Variants in SLC7A4 observed in about 807,000 individuals in gnomAD.
The protein encoded by SLC7A4 is cationic amino acid transporter 4.
Under a neutral mutation model 37.8 loss-of-function variants are expected in SLC7A4, and 30 were observed. The observed-to-expected ratio is 0.79, with a 90% CI of 0.59 to 1.08. The LOEUF (loss-of-function observed/expected upper bound fraction) is 1.08. Ranked by LOEUF, SLC7A4 falls within the 50% of genes least tolerant of loss-of-function variation. The pLI, the probability that SLC7A4 is intolerant of heterozygous loss-of-function variation, is 0.00. For missense variants in SLC7A4, 839 were observed against 843.2 expected, an observed-to-expected ratio of 1.00 and a Z score of 0.06; for synonymous variants, 359 against 376.5, an observed-to-expected ratio of 0.95 and a Z score of 0.54.
chr22:21,032,370 T>C, intron 1 of SLC7A4, among the ~76,000 whole-genome samples, 161 bp downstream of exon 1: 1 of 152,122 alleles, frequency 6.6e-6, no homozygotes. Flanking sequence ...CCAGGCGGAA[T>C]GCAGGGGCGC....
rs914033756 is a variant in SLC7A4 at position 21,030,864 on chromosome 22, C to G, written c.949G>C (p.Ala317Pro). The G allele has an allele frequency of 1.9e-6, 3 of 1,603,988 alleles. No individual in the cohort carries two copies. The highest frequency in any genetic ancestry group is 2.6e-6 in the Non-Finnish European group (3 of 1,175,158). The change falls in exon 2 of 5, where the codon GCT (alanine) becomes CCT (proline). Residue 317 changes from alanine to proline, a missense_variant. Ala to Pro is a conservative substitution (Grantham distance 27). Transcript: ENST00000382932. The stretch of plus-strand genomic sequence containing the variant: ...GAGCCAGCTGCCACGATGAAGCCAG[C>G]CCACCTGTAGCCCCGCTGGTAGAAG... ...DAFYQRGYRW[A>P]GFIVAAGSIC...
At position 21,031,745 on chromosome 22, in the gene SLC7A4, G is replaced by A. The variant is rs549300839; in HGVS notation, c.68C>T (p.Pro23Leu). 59 of 1,588,328 alleles carry A rather than the reference G, an allele frequency of 3.7e-5. No individual in the cohort carries two copies. The South Asian group carries it at 5.9e-4, about 16-fold the overall frequency. Reference protein sequence around the residue: ...RLCQKLNRLKPLEDSTMETSL... With the variant: ...RLCQKLNRLKLLEDSTMETSL... ...CGTCTCCATGGTGGAGTCCTCCAGCGGCTTCAGGCGGTTCAGCTTCTGGCA... is the reference window on the plus strand; with the variant it reads ...CGTCTCCATGGTGGAGTCCTCCAGCAGCTTCAGGCGGTTCAGCTTCTGGCA... Residue 23 changes from proline (P) to leucine (L), a missense_variant, in exon 2 of 5, where the codon CCG (proline) becomes CTG (leucine). Coordinates refer to ENST00000382932, the MANE Select transcript of SLC7A4 (RefSeq NM_004173.3).
At position 21,029,117 on chromosome 22, in the gene SLC7A4, T is replaced by C. The variant is rs369922490; in HGVS notation, c.1846A>G (p.Thr616Ala). 4.5e-5 allele frequency: 72 copies of C among 1,613,342 alleles called. No homozygotes were observed. Among genetic ancestry groups the C allele is most frequent in the Non-Finnish European group, 6.0e-5 (71 of 1,179,918 alleles). The change falls in exon 5 of 5, where the codon ACA becomes GCA. Residue 616 changes from threonine (T) to alanine (A), a missense_variant. Physicochemically the swap from Thr to Ala is moderately conservative, Grantham distance 58. Transcript: ENST00000382932. ...VVFPRGSLEE[T>A]VQAMQPPSQA... ...CTGGGGGGCTGCATAGCCTGCACTG[T>C]CTCCTCCAGGCTGCCCCTGGGGAAT...
At position 21,031,861 on chromosome 22, in the gene SLC7A4, G is replaced by A. The variant is rs755626314; in HGVS notation, c.-40-9C>T. On this transcript the variant is annotated splice_polypyrimidine_tract_variant and intron_variant, in intron 1 of 4. Transcript: ENST00000382932. Reference sequence around the variant, plus strand: ...GAGCCAGCTACTGGAACCTGCTAGGGCCAGAGGGGAATGACAGGATGCGTA... The same window carrying A: ...GAGCCAGCTACTGGAACCTGCTAGGACCAGAGGGGAATGACAGGATGCGTA... 5 of 1,449,972 alleles carry A rather than the reference G, an allele frequency of 3.4e-6. No individual in the cohort carries two copies. The highest frequency in any genetic ancestry group is 5.1e-5 in the Admixed American group (2 of 39,542). The allele number at this position is 1,449,972 out of a possible 1,614,324, so 89.8% of individuals were successfully genotyped here. A position where few individuals can be genotyped will look rare whatever the true frequency, so the allele number is the denominator to read the frequency against.
chr22:21,028,836 A>C lies in SLC7A4; in HGVS notation c.*219T>G, dbSNP rs1928771976. The C allele has an allele frequency of 2.1e-6, 1 of 472,750 alleles. No homozygotes were observed. The highest frequency in any genetic ancestry group is 3.7e-6 in the Non-Finnish European group (1 of 269,376). 29.3% of individuals were successfully genotyped at this position (472,750 alleles called of 1,614,324 possible). The stretch of plus-strand genomic sequence containing the variant: ...TAGCTGGAGCTGATCATAAACAAGA[A>C]GGCTCTGGGCAGAGTCCATGGCACC... On this transcript the variant is annotated 3_prime_UTR_variant, in exon 5 of 5. Transcript: ENST00000382932.
rs150879160 is a variant in SLC7A4, at chr22:21,030,511, G to A, written c.983-160C>T. On this transcript the variant is annotated intron_variant, in intron 2 of 4. Transcript: ENST00000382932. Reference sequence around the variant, plus strand: ...TGTGTAGGAGTAATAGATTGTCAGCGCTTTGCCCAAGAACAGGACATCTGG... The same window carrying A: ...TGTGTAGGAGTAATAGATTGTCAGCACTTTGCCCAAGAACAGGACATCTGG... 2.2e-3 allele frequency among the ~76,000 whole-genome samples: 340 copies of A among 152,166 alleles called. 1 individual carries two copies. Among genetic ancestry groups the A allele is most frequent in the African/African-American group, 7.7e-3 (321 of 41,526 alleles).
intron 1 of SLC7A4, among the ~76,000 whole-genome samples, chr22:21,032,105 C>A (rs967429797): frequency 1.4e-5 from 2 of 140,674 alleles, no homozygotes; most frequent in Non-Finnish European, 1.5e-5. Context: ...CCTGCTCACC[C>A]GCTCGGTGGC....
chr22:21,029,437 A>G lies in SLC7A4; in HGVS notation c.1631T>C (p.Met544Thr), dbSNP rs1928801063. The G allele has an allele frequency of 6.2e-7, 1 of 1,612,056 alleles. No homozygotes were observed. The highest frequency in any genetic ancestry group is 8.5e-7 in the Non-Finnish European group (1 of 1,178,836). ...GCTCAGGGCTGGAATCAGGGGAACCATGGGGATCTGAGGAGGCAGAGGCAG... is the reference window on the plus strand; with the variant it reads ...GCTCAGGGCTGGAATCAGGGGAACCGTGGGGATCTGAGGAGGCAGAGGCAG... The part of the protein sequence containing the change: ...QYREDLFQIP[M>T]VPLIPALSIV... Residue 544 changes from methionine (M) to threonine (T), a missense_variant, in exon 4 of 5, where the codon ATG (methionine) becomes ACG (threonine). Physicochemically the swap from Met to Thr is moderately conservative, Grantham distance 81. Transcript: ENST00000382932.
chr22:21,029,391 G>A lies in SLC7A4; in HGVS notation c.1677C>T (p.Leu559=), dbSNP rs1928798655. 1 of 1,613,732 alleles carries A rather than the reference G, an allele frequency of 6.2e-7. No individual in the cohort carries two copies. Among genetic ancestry groups the A allele is most frequent in the Non-Finnish European group, 8.5e-7 (1 of 1,179,990 alleles). Residue 559 remains leucine, a synonymous_variant, in exon 4 of 5, where the codon CTC becomes CTT. Coordinates refer to ENST00000382932, the MANE Select transcript of SLC7A4 (RefSeq NM_004173.3). The part of the protein sequence containing the change: ...PALSIVLNIC[L]MLKLSYLTWV... Reference sequence around the variant, plus strand: ...AGGTCAGATAGCTAAGTTTCAGCATGAGGCAGATGTTGAGGACGATGCTCA... The same window carrying A: ...AGGTCAGATAGCTAAGTTTCAGCATAAGGCAGATGTTGAGGACGATGCTCA...
In SLC7A4 at chr22:21,028,945, T is replaced by C. The variant is rs1928774150; in HGVS notation, c.*110A>G. On this transcript the variant is annotated 3_prime_UTR_variant, in exon 5 of 5. Coordinates refer to ENST00000382932, the MANE Select transcript of SLC7A4 (RefSeq NM_004173.3). ...AAGGTCCTGAGGACTCCCCAGCCTGTGCAGGCCTGCAAACCCAGGCTGCCC... is the reference window on the plus strand; with the variant it reads ...AAGGTCCTGAGGACTCCCCAGCCTGCGCAGGCCTGCAAACCCAGGCTGCCC... 1 of 1,182,004 alleles carries C rather than the reference T, an allele frequency of 8.5e-7. No homozygotes were observed. Among genetic ancestry groups the C allele is most frequent in the Non-Finnish European group, 1.2e-6 (1 of 860,134 alleles). The allele number at this position is 1,182,004 out of a possible 1,614,324, so 73.2% of individuals were successfully genotyped here.
Position 21,029,055 on chromosome 22 carries a change from C to A in SLC7A4, c.1908G>T (p.Ter636TyrextTer77). ...GGCGGGGCAAGTGTGGGCTGATCAG[C>A]TACTCCATATGGCCAGGGTCCTGTG... is the stretch of plus-strand genomic sequence containing the variant. Reference protein sequence around the residue: ...APAQDPGHME* With the variant: ...APAQDPGHMEY The change falls in exon 5 of 5, where the codon TAG becomes TAT. Residue 636 changes from the stop codon to tyrosine, a stop_lost. Transcript: ENST00000382932. 1 of 1,604,442 alleles carries A rather than the reference C, an allele frequency of 6.2e-7. No homozygotes were observed.
Position 21,029,797 on chromosome 22 carries a change from GC to G in SLC7A4, c.1536del (p.Leu513CysfsTer35), listed in dbSNP as rs749645535. The G allele has an allele frequency of 6.2e-7, 1 of 1,613,578 alleles. No individual in the cohort carries two copies. Among genetic ancestry groups the G allele is most frequent in the South Asian group, 1.1e-5 (1 of 91,086 alleles). ...TLHLPHWGYILLLLLTSVMFL... is the reference protein window; with the variant it reads ...TLHLPHWGYIXLLLLTSVMFL... Reference sequence around the variant, plus strand: ...AACATGACACTGGTGAGCAGGAGCAGCAGGATGTAACCCCAGTGTGGGAGGT... The same window carrying G: ...AACATGACACTGGTGAGCAGGAGCAGAGGATGTAACCCCAGTGTGGGAGGT... On this transcript the variant is annotated frameshift_variant, in exon 3 of 5. Coordinates refer to ENST00000382932, the MANE Select transcript of SLC7A4 (RefSeq NM_004173.3). LOFTEE classifies it high-confidence loss of function.
chr22:21,029,003 C>A lies in SLC7A4; in HGVS notation c.*52G>T, dbSNP rs1052318622. ...AAGGGGCTCTCGGCTTGTCTGGCCTCTCTGGCCTCCCAAGCAGGTGTGGGA... is the reference window on the plus strand; with the variant it reads ...AAGGGGCTCTCGGCTTGTCTGGCCTATCTGGCCTCCCAAGCAGGTGTGGGA... On this transcript the variant is annotated 3_prime_UTR_variant, in exon 5 of 5. Transcript: ENST00000382932. The A allele has an allele frequency of 1.2e-5, 18 of 1,534,998 alleles. No homozygotes were observed. The highest frequency in any genetic ancestry group is 1.5e-5 in the Non-Finnish European group (17 of 1,144,708).
At position 21,029,905 on chromosome 22, in the gene SLC7A4, C is replaced by G. The variant is rs1928823828; in HGVS notation, c.1429G>C (p.Val477Leu). ...GFLDGYSPGA[V>L]VTWALGVMLA... The stretch of plus-strand genomic sequence containing the variant: ...ATAACGCCAAGCGCCCAAGTCACCA[C>G]TGCTCCAGGGCTGTACCCATCCAAG... Residue 477 changes from valine (V) to leucine (L), a missense_variant, in exon 3 of 5, where the codon GTG (valine) becomes CTG (leucine). Transcript: ENST00000382932. The G allele has an allele frequency of 1.9e-6, 3 of 1,613,866 alleles. No individual in the cohort carries two copies. The highest frequency in any genetic ancestry group is 2.5e-6 in the Non-Finnish European group (3 of 1,180,004).
At chr22:21,029,524 C>A in intron 3 of SLC7A4, 80 bp from the exon 4 acceptor site, 1 of 1,276,834 alleles carries the variant, frequency 7.8e-7, no homozygotes, top group Admixed American at 1.7e-5. Flanking sequence ...TCTCGGGAAT[C>A]CATAGAGCCT....
intron 3 of SLC7A4, 73 bp downstream of exon 3, chr22:21,029,638 C>T: frequency 6.7e-7 from 1 of 1,499,372 alleles, no homozygotes; most frequent in Non-Finnish European, 9.1e-7. Context: ...CTTGTTCATT[C>T]TGGGATGGTA....
At position 21,030,140 on chromosome 22, in the gene SLC7A4, T is replaced by C. The variant is rs978375342; in HGVS notation, c.1194A>G (p.Thr398=). ...TGGCCACGAATGTGTAGGCCAGGAGTGTGCCAAGGGACAGGAACTGAACCA... is the reference window on the plus strand; with the variant it reads ...TGGCCACGAATGTGTAGGCCAGGAGCGTGCCAAGGGACAGGAACTGAACCA... The part of the protein sequence containing the change: ...ESLVQFLSLG[T]LLAYTFVATS... Residue 398 remains threonine (T), a synonymous_variant, in exon 3 of 5, where the codon ACA becomes ACG. Transcript: ENST00000382932. The C allele has an allele frequency of 2.5e-6, 4 of 1,613,508 alleles. No homozygotes were observed. The highest frequency in any genetic ancestry group is 3.4e-6 in the Non-Finnish European group (4 of 1,179,842).
rs147418348 is a variant in SLC7A4 at position 21,031,015 on chromosome 22, C to T, written c.798G>A (p.Arg266=). 9.3e-6 allele frequency: 15 copies of T among 1,613,996 alleles called. No individual in the cohort carries two copies. Among genetic ancestry groups the T allele is most frequent in the South Asian group, 7.7e-5 (7 of 91,090 alleles). Residue 266 remains arginine, a synonymous_variant, in exon 2 of 5, where the codon CGG becomes CGA. Coordinates refer to ENST00000382932, the MANE Select transcript of SLC7A4 (RefSeq NM_004173.3). ...AGATGGCGATGGCCAGAGGCACAGACCGCCGTGGGTTCTGGGCCTCCTCAC... is the reference window on the plus strand; with the variant it reads ...AGATGGCGATGGCCAGAGGCACAGATCGCCGTGGGTTCTGGGCCTCCTCAC... The part of the protein sequence containing the change: ...ASSEEAQNPR[R]SVPLAIAISL...
chr22:21,030,163 C>A lies in SLC7A4; in HGVS notation c.1171G>T (p.Val391Phe). 2 of 1,613,938 alleles carry A rather than the reference C, an allele frequency of 1.2e-6. No homozygotes were observed. The highest frequency in any genetic ancestry group is 1.7e-6 in the Non-Finnish European group (2 of 1,180,004). The change falls in exon 3 of 5, where the codon GTT becomes TTT. Residue 391 changes from valine to phenylalanine, a missense_variant. Transcript: ENST00000382932. ...AGTGTGCCAAGGGACAGGAACTGAA[C>A]CAGCGACTCCAGGTCCAGCAGCAGT... ...LALLLDLESL[V>F]QFLSLGTLLA...
Sources: gnomAD v4.1 joint callset for allele counts (sites outside exome capture counted in the v4.1 genomes callset) on GRCh38, gnomAD v4.1.1 for gene constraint, MANE v1.5 for transcripts, NCBI Gene and HGNC (gene_info 2026-07-23, HGNC 2026-07-21) for gene names.